FKBP5: variants seen among roughly 807,000 people sequenced by gnomAD.
FKBP5 encodes FKBP prolyl isomerase 5.
Under a neutral mutation model 50.5 loss-of-function variants are expected in FKBP5, and 23 were observed. The ratio of observed to expected loss-of-function variants is 0.46; its 90% confidence interval spans 0.33 to 0.65. The LOEUF (loss-of-function observed/expected upper bound fraction) is 0.65, where lower values mean the gene tolerates loss of function less well. Among genes scored for constraint, FKBP5 ranks in the 30% least tolerant of loss-of-function variants. The probability of loss-of-function intolerance (pLI) is 0.02; values close to 1 mark genes in which losing one functional copy is unlikely to be tolerated. For missense variants in FKBP5, 411 were observed against 553.1 expected (o/e 0.74, Z 2.58); for synonymous variants, 176 against 190.6 (o/e 0.92, Z 0.63).
rs1765028406 is a variant in FKBP5 at position 35,658,762 on chromosome 6, A to C, written c.-19-15919T>G. On this transcript the variant is annotated intron_variant, in intron 1 of 10. Transcript: ENST00000357266. ...TTTTATATGTTGTTGGATTCAATTT[A>C]CTAAAATTTTGTTAAAAAATATTGC... Among the ~76,000 whole-genome samples, 2 of 53,908 alleles carry C rather than the reference A, an allele frequency of 3.7e-5. 1 individual carries two copies. Among genetic ancestry groups the C allele is most frequent in the African/African-American group, 7.9e-5 (2 of 25,434 alleles). 35.4% of individuals were successfully genotyped at this position (53,908 alleles called of 152,430 possible).
chr6:35,618,999 A>C, intron 5 of FKBP5, 97 bp downstream of exon 5: 1 of 798,520 alleles, frequency 1.3e-6, no homozygotes, highest in Non-Finnish European at 2.1e-6. Flanking sequence ...CACAGCCGAT[A>C]TATTCATTTC....
intron 8 of FKBP5, chr6:35,584,581 A>G (rs1245479143): frequency 3.0e-6 from 3 of 985,344 alleles, no homozygotes; most frequent in Non-Finnish European, 3.6e-6. Context: ...ACAGGAAACT[A>G]TCTACTAACC....
intron 3 of FKBP5, among the ~76,000 whole-genome samples, chr6:35,622,193 G>A (rs1355290201): frequency 6.6e-6 from 1 of 152,052 alleles, no homozygotes; most frequent in Non-Finnish European, 1.5e-5. Context: ...CAAAATGTCA[G>A]CTACATTTAT....
chr6:35,582,642 G>C, intron 8 of FKBP5: 1 of 982,604 alleles, frequency 1.0e-6, no homozygotes, highest in Non-Finnish European at 1.2e-6. Context: ...AAGCCACCCA[G>C]TGTATGGTAT....
chr6:35,581,250 A>T, intron 8 of FKBP5: 26 of 541,630 alleles, frequency 4.8e-5, no homozygotes, highest in Non-Finnish European at 5.8e-5. Flanking sequence ...GTTATATATA[A>T]TATATATAAA....
Position 35,581,384 on chromosome 6 carries a change from T to C in FKBP5, c.841-1163A>G, listed in dbSNP as rs192764708. The C allele has an allele frequency of 1.5e-3, 305 of 198,544 alleles. 7 individuals are homozygous for C. The East Asian group carries it at 0.045, about 29-fold the overall frequency. 12.3% of individuals were successfully genotyped at this position (198,544 alleles called of 1,614,324 possible). A position where few individuals can be genotyped will look rare whatever the true frequency, so the allele number is the denominator to read the frequency against. ...CACTTTGGAGGCCGAGACAGGTGGATCACCTGAGGTCAGGAGTTCGAGACC... is the reference window on the plus strand; with the variant it reads ...CACTTTGGAGGCCGAGACAGGTGGACCACCTGAGGTCAGGAGTTCGAGACC... On this transcript the variant is annotated intron_variant, in intron 8 of 10. Coordinates refer to ENST00000357266, the MANE Select transcript of FKBP5 (RefSeq NM_004117.4).
At chr6:35,667,889 C>A (rs1171453605) in intron 1 of FKBP5, among the ~76,000 whole-genome samples, 11 of 152,234 alleles carry the variant, frequency 7.2e-5, no homozygotes, top group African/African-American at 2.4e-4. Flanking sequence ...CACTTGAACT[C>A]AGGAAGCAGA....
chr6:35,646,551 T>C (rs59595954), intron 1 of FKBP5, among the ~76,000 whole-genome samples: 5,400 of 152,304 alleles, frequency 0.035, 127 homozygotes, highest in African/African-American at 0.069. Context: ...ACTTTTTCCT[T>C]GATTGAATGT....
At chr6:35,579,888 T>C in intron 9 of FKBP5, 148 bp downstream of exon 9, 1 of 600,050 alleles carries the variant, frequency 1.7e-6, no homozygotes. Flanking sequence ...CAATTCATAC[T>C]GAGAAACAAA....
intron 2 of FKBP5, among the ~76,000 whole-genome samples, chr6:35,701,577 G>T (rs1173489067): frequency 6.6e-6 from 1 of 151,304 alleles, no homozygotes; most frequent in East Asian, 2.0e-4. Flanking sequence ...GTCTCACTCT[G>T]TTGCAAGGCT....
chr6:35,615,733 G>C (rs892479506), intron 5 of FKBP5, among the ~76,000 whole-genome samples: 1 of 152,254 alleles, frequency 6.6e-6, no homozygotes, highest in African/African-American at 2.4e-5. Flanking sequence ...ATGTCAAAAT[G>C]AGTGTGTAAA....
chr6:35,645,140 T>C (rs961247232), intron 1 of FKBP5, among the ~76,000 whole-genome samples: 1 of 152,256 alleles, frequency 6.6e-6, no homozygotes, highest in Non-Finnish European at 1.5e-5. Context: ...AGTGATGTGA[T>C]TTAGATGTGC....
At chr6:35,703,935 T>C (rs1766235518) in intron 2 of FKBP5, among the ~76,000 whole-genome samples, 1 of 152,228 alleles carries the variant, frequency 6.6e-6, no homozygotes, top group Non-Finnish European at 1.5e-5. Flanking sequence ...TGTTCAGCAA[T>C]GGTGGTAGCA....
At chr6:35,612,936 T>C (rs547878354) in intron 5 of FKBP5, among the ~76,000 whole-genome samples, 51 of 152,342 alleles carry the variant, frequency 3.3e-4, no homozygotes, top group Admixed American at 7.2e-4. Context: ...GTGAAAACTA[T>C]TCCCATTTGA....
At chr6:35,612,822 T>C (rs1207257255) in intron 5 of FKBP5, among the ~76,000 whole-genome samples, 1 of 152,248 alleles carries the variant, frequency 6.6e-6, no homozygotes, top group East Asian at 1.9e-4. Flanking sequence ...TACCTCCCAG[T>C]GGGTCCTTCC....
At chr6:35,607,235 G>C (rs1446051740) in intron 5 of FKBP5, among the ~76,000 whole-genome samples, 1 of 151,316 alleles carries the variant, frequency 6.6e-6, no homozygotes, top group East Asian at 1.9e-4. Flanking sequence ...ACCACGCCCA[G>C]CCTGTTTTGT....
chr6:35,705,130 G>C (rs1766268513), intron 2 of FKBP5, among the ~76,000 whole-genome samples: 1 of 147,792 alleles, frequency 6.8e-6, no homozygotes, highest in South Asian at 2.2e-4. Context: ...AACAGAGCAA[G>C]ACTCCGTCTC....
chr6:35,579,583 C>T (rs1236969132), intron 9 of FKBP5, among the ~76,000 whole-genome samples: 1 of 152,090 alleles, frequency 6.6e-6, no homozygotes, highest in African/African-American at 2.4e-5. Context: ...GTGGACCTTT[C>T]ATATTATTTA....
intron 2 of FKBP5, among the ~76,000 whole-genome samples, chr6:35,707,550 T>C (rs1766342356): frequency 6.6e-6 from 1 of 152,166 alleles, no homozygotes; most frequent in Non-Finnish European, 1.5e-5. Context: ...AACTTGTTTT[T>C]TTAACTTTTA....
Sources: allele counts gnomAD v4.1 joint callset (sites outside exome capture counted in the v4.1 genomes callset), GRCh38; gene constraint gnomAD v4.1.1; transcripts MANE v1.5; gene names NCBI Gene and HGNC (gene_info 2026-07-23, HGNC 2026-07-21).